ZMIZ1: variants seen among roughly 807,000 people sequenced by gnomAD.
The protein encoded by ZMIZ1 is zinc finger MIZ domain-containing protein 1.
In ZMIZ1, 17 loss-of-function variants were observed where a neutral mutation model predicts 113.9. The observed-to-expected ratio is 0.15, with a 90% CI of 0.10 to 0.22. The LOEUF is 0.22. Among genes scored for constraint, ZMIZ1 ranks in the 10% least tolerant of loss-of-function variants. The pLI is 1.00. For missense variants in ZMIZ1, 1,059 were observed against 1,477.8 expected, an observed-to-expected ratio of 0.72 and a Z score of 4.65; for synonymous variants, 607 against 603.1, an observed-to-expected ratio of 1.01 and a Z score of -0.09.
intron 7 of ZMIZ1, among the ~76,000 whole-genome samples, chr10:79,218,066 G>C (rs181496738): frequency 7.2e-5 from 11 of 152,328 alleles, no homozygotes; most frequent in Admixed American, 5.2e-4. Context: ...CAGAGCAGGG[G>C]CCACCAAGCT....
intron 8 of ZMIZ1, among the ~76,000 whole-genome samples, chr10:79,282,374 T>C (rs4980058): frequency 0.075 from 11,478 of 152,226 alleles, 920 homozygotes; most frequent in East Asian, 0.2. Context: ...CGCAGGTATC[T>C]GGCTGTTTGA....
rs187360434 is a variant in ZMIZ1 at position 79,192,366 on chromosome 10, C to T, written c.-49-9218C>T. Among the ~76,000 whole-genome samples, 3 of 152,358 alleles carry T rather than the reference C, an allele frequency of 2.0e-5. No homozygotes were observed. In the East Asian group the frequency reaches 5.8e-4, roughly 29 times the overall value. On this transcript the variant is annotated intron_variant, in intron 4 of 24. Transcript: ENST00000334512. ...GGCATAGCTGTGTGGGGCTGACTGTCATGAAGCCCCCACTCTGAAATGCCA... is the reference window on the plus strand; with the variant it reads ...GGCATAGCTGTGTGGGGCTGACTGTTATGAAGCCCCCACTCTGAAATGCCA...
At chr10:79,237,028 G>T (rs571111770) in intron 7 of ZMIZ1, among the ~76,000 whole-genome samples, 158 of 152,372 alleles carry the variant, frequency 1.0e-3, no homozygotes, top group African/African-American at 3.8e-3. Context: ...GTTGTGGTCA[G>T]TGTGGTGGCG....
At chr10:79,183,717 A>G (rs1176219782) in intron 4 of ZMIZ1, among the ~76,000 whole-genome samples, 1 of 152,204 alleles carries the variant, frequency 6.6e-6, no homozygotes, top group Non-Finnish European at 1.5e-5. Context: ...GGAGCTAATT[A>G]TATCGTGTAC....
intron 13 of ZMIZ1, 140 bp from the exon 14 acceptor site, chr10:79,297,473 C>G: frequency 2.8e-6 from 2 of 725,060 alleles, no homozygotes; most frequent in East Asian, 5.4e-5. Flanking sequence ...CTGTCCCGCC[C>G]TGCTCACTCA....
At chr10:79,204,989 ATGG>A (rs1848254946) in intron 5 of ZMIZ1, among the ~76,000 whole-genome samples, 1 of 152,106 alleles carries the variant, frequency 6.6e-6, no homozygotes, top group Non-Finnish European at 1.5e-5. Context: ...GGATGGATGG[ATGG>A]ATGGATACAC....
intron 2 of ZMIZ1, among the ~76,000 whole-genome samples, chr10:79,125,238 T>C (rs553981646): frequency 6.6e-6 from 1 of 152,322 alleles, no homozygotes; most frequent in Non-Finnish European, 1.5e-5. Flanking sequence ...CAACCCCATC[T>C]GCCATGGGCC....
chr10:79,201,308 C>T (rs1016391911), intron 4 of ZMIZ1, among the ~76,000 whole-genome samples: 1 of 151,684 alleles, frequency 6.6e-6, no homozygotes, highest in East Asian at 1.9e-4. Flanking sequence ...AACTCCATCT[C>T]AAAAAAAAGA....
chr10:79,178,808 C>T (rs1214670110), intron 4 of ZMIZ1, among the ~76,000 whole-genome samples: 1 of 152,158 alleles, frequency 6.6e-6, no homozygotes, highest in African/African-American at 2.4e-5. Context: ...GGGTTTTCTG[C>T]GTGAGTGCTT....
chr10:79,099,571 T>C (rs1416540550), intron 1 of ZMIZ1, among the ~76,000 whole-genome samples: 1 of 152,158 alleles, frequency 6.6e-6, no homozygotes, highest in Admixed American at 6.5e-5. Flanking sequence ...TGGGCCCAGG[T>C]CTGCCCCCAT....
chr10:79,096,372 T>C (rs1843168197), intron 1 of ZMIZ1, among the ~76,000 whole-genome samples: 1 of 151,792 alleles, frequency 6.6e-6, no homozygotes, highest in Non-Finnish European at 1.5e-5. Flanking sequence ...ATTAGCCAGG[T>C]GTGGTGGTGG....
At chr10:79,122,131 G>A (rs1240222420) in intron 2 of ZMIZ1, among the ~76,000 whole-genome samples, 1 of 152,098 alleles carries the variant, frequency 6.6e-6, no homozygotes, top group Non-Finnish European at 1.5e-5. Context: ...GTGGGATTTA[G>A]CGCCAAGAAC....
chr10:79,270,161 C>T (rs1276029784), intron 7 of ZMIZ1, among the ~76,000 whole-genome samples: 1 of 152,250 alleles, frequency 6.6e-6, no homozygotes, highest in Non-Finnish European at 1.5e-5. Context: ...CATCCTCACT[C>T]AGGCCTGCCT....
intron 6 of ZMIZ1, among the ~76,000 whole-genome samples, chr10:79,209,760 A>C (rs1848463906): frequency 6.6e-6 from 1 of 152,232 alleles, no homozygotes; most frequent in Non-Finnish European, 1.5e-5. Flanking sequence ...CTTGGCCTGC[A>C]ACCCTCCCCC....
At chr10:79,220,547 C>G (rs1250589) in intron 7 of ZMIZ1, among the ~76,000 whole-genome samples, 52,281 of 152,162 alleles carry the variant, frequency 0.34, 10,355 homozygotes, top group Non-Finnish European at 0.47. Context: ...CAGTCTGGGC[C>G]ACCTGTCCGC....
chr10:79,109,062 C>T (rs573582637), intron 1 of ZMIZ1, among the ~76,000 whole-genome samples: 50 of 152,284 alleles, frequency 3.3e-4, no homozygotes, highest in African/African-American at 9.6e-4. Context: ...CAGATGAACA[C>T]AGGTGTGCCC....
chr10:79,269,579 T>C (rs559749167), intron 7 of ZMIZ1, among the ~76,000 whole-genome samples: 4 of 152,272 alleles, frequency 2.6e-5, no homozygotes, highest in African/African-American at 7.2e-5. Context: ...TTCCCCAGGC[T>C]GCAGTGTGTT....
At chr10:79,170,169 A>G (rs954488772) in intron 4 of ZMIZ1, among the ~76,000 whole-genome samples, 2 of 152,142 alleles carry the variant, frequency 1.3e-5, no homozygotes, top group African/African-American at 4.8e-5. Flanking sequence ...GCCCCCAGAA[A>G]ATACCTGTGA....
chr10:79,256,084 G>A (rs1031658126), intron 7 of ZMIZ1, among the ~76,000 whole-genome samples: 1 of 152,174 alleles, frequency 6.6e-6, no homozygotes, highest in Admixed American at 6.5e-5. Flanking sequence ...GGCTCTTGCT[G>A]GGGAGAGCTG....
Sources: allele counts gnomAD v4.1 joint callset (sites outside exome capture counted in the v4.1 genomes callset), GRCh38; gene constraint gnomAD v4.1.1; transcripts MANE v1.5; gene names NCBI Gene and HGNC (gene_info 2026-07-23, HGNC 2026-07-21).